Variants in UNC13C observed in about 807,000 individuals in gnomAD.
The protein encoded by UNC13C is unc-13 homolog C, also known as protein unc-13 homolog C.
In UNC13C, 174 loss-of-function variants were observed where a neutral mutation model predicts 245.4. That is an observed-to-expected ratio of 0.71 (90% confidence interval 0.63 to 0.80). The LOEUF (loss-of-function observed/expected upper bound fraction) is 0.80, where lower values mean the gene tolerates loss of function less well. Ranked by LOEUF, UNC13C falls within the 30% of genes least tolerant of loss-of-function variation. The probability of loss-of-function intolerance (pLI) is 0.00; values close to 1 mark genes in which losing one functional copy is unlikely to be tolerated. For missense variants in UNC13C, 2,829 were observed against 2,602.9 expected, an observed-to-expected ratio of 1.09 and a Z score of -1.89; for synonymous variants, 992 against 895.1, an observed-to-expected ratio of 1.11 and a Z score of -1.93.
intron 2 of UNC13C, among the ~76,000 whole-genome samples, chr15:54,056,336 G>A (rs961493905): frequency 2.0e-5 from 3 of 152,126 alleles, no homozygotes; most frequent in East Asian, 3.9e-4. Flanking sequence ...TAACCGATGC[G>A]ATCAACTGGA....
intron 2 of UNC13C, among the ~76,000 whole-genome samples, chr15:54,127,881 C>T (rs1016983040): frequency 4.0e-5 from 6 of 150,974 alleles, no homozygotes; most frequent in African/African-American, 1.2e-4. Context: ...TACTCACTCT[C>T]ATCACTCCTG....
chr15:54,554,810 A>T (rs1266966861), intron 28 of UNC13C, among the ~76,000 whole-genome samples: 1 of 151,776 alleles, frequency 6.6e-6, no homozygotes, highest in Non-Finnish European at 1.5e-5. Flanking sequence ...GCTTTGTATG[A>T]TGGGTTGAAA....
At chr15:54,613,996 C>CCAGCTACTTTAATTAATAGCA (rs1900268632) in intron 30 of UNC13C, among the ~76,000 whole-genome samples, 1 of 151,858 alleles carries the variant, frequency 6.6e-6, no homozygotes, top group East Asian at 1.9e-4. Context: ...TCCTGTTGCC[C>CCAGCTACTTTAATTAATAGCA]CAGCTACTTT....
chr15:53,878,265 C>G, the UNC13C span, among the ~76,000 whole-genome samples: 2 of 152,132 alleles, frequency 1.3e-5, no homozygotes, highest in Non-Finnish European at 2.9e-5. Flanking sequence ...CGCCAAACCT[C>G]AAACCAAAGC....
At chr15:54,343,194 C>T (rs1012535271) in intron 17 of UNC13C, among the ~76,000 whole-genome samples, 4 of 150,986 alleles carry the variant, frequency 2.6e-5, no homozygotes, top group Admixed American at 6.6e-5. Flanking sequence ...AGCGCAGTGG[C>T]GCAATCTCGG....
At chr15:54,061,075 A>G (rs1231411744) in intron 2 of UNC13C, among the ~76,000 whole-genome samples, 3 of 152,118 alleles carry the variant, frequency 2.0e-5, no homozygotes, top group Admixed American at 6.5e-5. Flanking sequence ...TATGTAACAA[A>G]CGTGCACGTT....
At chr15:54,210,670 C>A (rs565951537) in intron 4 of UNC13C, among the ~76,000 whole-genome samples, 1 of 151,932 alleles carries the variant, frequency 6.6e-6, no homozygotes, top group African/African-American at 2.4e-5. Context: ...GATATTTTAC[C>A]CTACTTAAAA....
chr15:53,924,293 C>T, the UNC13C span, among the ~76,000 whole-genome samples: 1 of 152,096 alleles, frequency 6.6e-6, no homozygotes, highest in South Asian at 2.1e-4. Context: ...GATTTGTTTC[C>T]GGTGTTGCCA....
chr15:53,875,792 T>G, the UNC13C span, among the ~76,000 whole-genome samples: 1 of 152,218 alleles, frequency 6.6e-6, no homozygotes. Flanking sequence ...TGTTGTGGCA[T>G]TCTTTACTCA....
chr15:54,099,114 G>T (rs1046622624), intron 2 of UNC13C, among the ~76,000 whole-genome samples: 1 of 152,172 alleles, frequency 6.6e-6, no homozygotes, highest in Non-Finnish European at 1.5e-5. Context: ...TGATGAGCTA[G>T]TAAAGTTCTT....
chr15:54,414,040 A>G (rs776181429), intron 18 of UNC13C, among the ~76,000 whole-genome samples: 4 of 152,202 alleles, frequency 2.6e-5, no homozygotes, highest in Non-Finnish European at 5.9e-5. Flanking sequence ...AACACATGCA[A>G]ACAAAATAAA....
Position 54,013,003 on chromosome 15 carries a change from G to A in UNC13C, c.100G>A (p.Glu34Lys), listed in dbSNP as rs768507852. The change falls in exon 2 of 33, where the codon GAG (glutamate) becomes AAG (lysine). Residue 34 changes from glutamate to lysine, a missense_variant. Glu to Lys is a moderately conservative substitution (Grantham distance 56). Coordinates refer to ENST00000260323, the MANE Select transcript of UNC13C (RefSeq NM_001080534.3). ...ATTGGGAAATACAAACAAAAACAAA[G>A]AGTATCGTCAGCAGAAAAAGGATCA... Reference protein sequence around the residue: ...KKLGNTNKNKEYRQQKKDQDF... With the variant: ...KKLGNTNKNKKYRQQKKDQDF... The A allele has an allele frequency of 5.6e-6, 9 of 1,613,730 alleles. No individual in the cohort carries two copies. Among genetic ancestry groups the A allele is most frequent in the East Asian group, 2.2e-5 (1 of 44,880 alleles).
intron 19 of UNC13C, among the ~76,000 whole-genome samples, chr15:54,441,273 C>T (rs1214789468): frequency 6.6e-6 from 1 of 151,908 alleles, no homozygotes; most frequent in East Asian, 1.9e-4. Flanking sequence ...TCTTCAAGTT[C>T]TCTTCTAGCA....
At chr15:54,469,077 G>A (rs1288162725) in intron 19 of UNC13C, among the ~76,000 whole-genome samples, 1 of 151,528 alleles carries the variant, frequency 6.6e-6, no homozygotes, top group African/African-American at 2.4e-5. Context: ...AGTAAGGGAT[G>A]TCTATTTTCT....
At chr15:54,316,813 C>G (rs114006991) in intron 13 of UNC13C, among the ~76,000 whole-genome samples, 2,031 of 152,026 alleles carry the variant, frequency 0.013, 42 homozygotes, top group African/African-American at 0.047. Flanking sequence ...GGAGGATTGC[C>G]CTGCACCTCC....
chr15:54,054,379 C>T (rs751431247), intron 2 of UNC13C, among the ~76,000 whole-genome samples: 2 of 152,202 alleles, frequency 1.3e-5, no homozygotes, highest in Non-Finnish European at 2.9e-5. Context: ...ACTGATTTGT[C>T]TATGCATCCT....
At position 54,555,415 on chromosome 15, in the gene UNC13C, C is replaced by G. The variant is rs764476327; in HGVS notation, c.5878-17C>G. On this transcript the variant is annotated splice_polypyrimidine_tract_variant and intron_variant, in intron 28 of 32. Transcript: ENST00000260323. ...TGAACTGGTTGTTTTATAAGCAATTCTTCACCTGTTTTCCAGGAGCACATG... is the reference window on the plus strand; with the variant it reads ...TGAACTGGTTGTTTTATAAGCAATTGTTCACCTGTTTTCCAGGAGCACATG... The G allele has an allele frequency of 1.2e-6, 2 of 1,609,834 alleles. No individual in the cohort carries two copies. Among genetic ancestry groups the G allele is most frequent in the South Asian group, 2.2e-5 (2 of 90,712 alleles).
At chr15:54,444,683 A>T (rs568054264) in intron 19 of UNC13C, among the ~76,000 whole-genome samples, 1 of 151,108 alleles carries the variant, frequency 6.6e-6, no homozygotes, top group Admixed American at 6.6e-5. Flanking sequence ...TTCTCTTCCT[A>T]ATTTTTTTGT....
intron 8 of UNC13C, among the ~76,000 whole-genome samples, chr15:54,262,114 A>G (rs1328614819): frequency 6.6e-6 from 1 of 152,144 alleles, no homozygotes; most frequent in Non-Finnish European, 1.5e-5. Flanking sequence ...TTAGATGAAA[A>G]ATCTCTTTAT....
Sources: gnomAD v4.1 joint callset for allele counts (sites outside exome capture counted in the v4.1 genomes callset) on GRCh38, gnomAD v4.1.1 for gene constraint, MANE v1.5 for transcripts, NCBI Gene and HGNC (gene_info 2026-07-23, HGNC 2026-07-21) for gene names.